SARM1: variants seen among roughly 807,000 people sequenced by gnomAD.
SARM1 encodes the protein NAD(+) hydrolase SARM1.
A neutral mutation model predicts 65.1 loss-of-function variants in SARM1; 60 were observed. The ratio of observed to expected loss-of-function variants is 0.92; its 90% CI spans 0.75 to 1.14. The LOEUF (loss-of-function observed/expected upper bound fraction) is 1.14, where lower values mean the gene tolerates loss of function less well. Among genes scored for constraint, SARM1 ranks in the 50% most tolerant of loss-of-function variants. The probability of loss-of-function intolerance (pLI) is 0.00; values close to 1 mark genes in which losing one functional copy is unlikely to be tolerated. For missense variants in SARM1, 913 were observed against 1,015.7 expected (o/e 0.90, Z 1.37); for synonymous variants, 417 against 465.4 (o/e 0.90, Z 1.34).
In SARM1 at chr17:28,400,674, A is replaced by G. The variant is rs1337596788; in HGVS notation, c.*4388A>G. ...AGGAGGAAGGGGAACCCCTTCATAA[A>G]GTTCAGAGTGGCTGGGTAGAGTGAG... On this transcript the variant is annotated 3_prime_UTR_variant, in exon 9 of 9. Transcript: ENST00000585482. 4.3e-6 allele frequency: 7 copies of G among 1,613,514 alleles called. No individual in the cohort carries two copies. The African/African-American group carries it at 9.3e-5, about 22-fold the overall frequency.
chr17:28,402,934 C>G lies in SARM1; in HGVS notation c.*6648C>G, dbSNP rs577666364. On this transcript the variant is annotated 3_prime_UTR_variant, in exon 9 of 9. Coordinates refer to ENST00000585482, the MANE Select transcript of SARM1 (RefSeq NM_015077.4). ...CTGGATTAGGTTGGGCCCTAAATGC[C>G]GTCACACATATCTTTATAAGAGGAA... 1 of 152,226 alleles carries G rather than the reference C, an allele frequency of 6.6e-6. No individual in the cohort carries two copies. Among genetic ancestry groups the G allele is most frequent in the South Asian group, 2.1e-4 (1 of 4,830 alleles). The allele number at this position is 152,226 out of a possible 1,614,324, so 9.4% of individuals were successfully genotyped here.
chr17:28,396,314 T>G lies in SARM1; in HGVS notation c.*28T>G. On this transcript the variant is annotated 3_prime_UTR_variant, in exon 9 of 9. Transcript: ENST00000585482. ...AGTCCCCAGTTCCCCAGCCCTGCTG[T>G]GACTTCCATTTCCATCGTCCTTTCT... 2 of 1,612,050 alleles carry G rather than the reference T, an allele frequency of 1.2e-6. No individual in the cohort carries two copies. Among genetic ancestry groups the G allele is most frequent in the Non-Finnish European group, 1.7e-6 (2 of 1,178,648 alleles).
intron 7 of SARM1, among the ~76,000 whole-genome samples, chr17:28,389,627 C>T (rs7215936): frequency 0.9 from 137,312 of 152,212 alleles, 62,066 homozygotes; most frequent in Middle Eastern, 0.92. Flanking sequence ...GGTTCACACC[C>T]GTAATCCCAG....
chr17:28,372,273 C>CCCT lies in SARM1; in HGVS notation c.241_242insCCT (p.Gln81delinsProTer). On this transcript the variant is annotated stop_gained and protein_altering_variant, in exon 1 of 9. Transcript: ENST00000585482. LOFTEE classifies it high-confidence loss of function. This position sits in a 1 kb window ranked among gnomAD's most constrained non-coding sequence, Gnocchi z 5.2. ...GCAGCAGGCCTTGTCCGCGCTGAAG[C>CCCT]AGGCGGGCGGCGCGCGGGCCGTGGG... is the stretch of plus-strand genomic sequence containing the variant. The CCCT allele has an allele frequency of 7.2e-7, 1 of 1,391,752 alleles. No homozygotes were observed. The highest frequency in any genetic ancestry group is 9.2e-7 in the Non-Finnish European group (1 of 1,083,460). 86.2% of individuals were successfully genotyped at this position (1,391,752 alleles called of 1,614,324 possible).
chr17:28,390,692 A>T (rs1454864368), intron 7 of SARM1, among the ~76,000 whole-genome samples: 2 of 152,154 alleles, frequency 1.3e-5, no homozygotes, highest in South Asian at 4.1e-4. Context: ...AAAAAAAAAA[A>T]TCAGAGTTTA....
chr17:28,392,850 G>C (rs1053553133), intron 7 of SARM1, among the ~76,000 whole-genome samples: 2 of 152,158 alleles, frequency 1.3e-5, no homozygotes, highest in African/African-American at 2.4e-5. Flanking sequence ...GTCTTGGACC[G>C]GCCCCAGAGG....
Position 28,388,399 on chromosome 17 carries a change from G to A in SARM1, c.1783G>A (p.Val595Met), listed in dbSNP as rs1555586405. The A allele has an allele frequency of 4.3e-6, 7 of 1,613,900 alleles. No individual in the cohort carries two copies. In the East Asian group the frequency reaches 1.6e-4, roughly 36 times the overall value. ...QLHGFSVFID[V>M]EKLEAGKFED... ...GCATGGCTTCAGTGTCTTCATTGATGTGGAGAAGCTGGAAGCAGGCAAGTT... is the reference window on the plus strand; with the variant it reads ...GCATGGCTTCAGTGTCTTCATTGATATGGAGAAGCTGGAAGCAGGCAAGTT... Residue 595 changes from valine (V) to methionine (M), a missense_variant, in exon 7 of 9, where the codon GTG becomes ATG. Val to Met is a conservative substitution (Grantham distance 21). Coordinates refer to ENST00000585482, the MANE Select transcript of SARM1 (RefSeq NM_015077.4).
Position 28,385,016 on chromosome 17 carries a change from C to T in SARM1, c.1395-24C>T, listed in dbSNP as rs370251036. On this transcript the variant is annotated intron_variant, in intron 4 of 8. Transcript: ENST00000585482. The surrounding 1 kb of genome is among the most constrained non-coding windows in gnomAD (Gnocchi z 4.5). ...CAGCCCGTCCGAGTCTGGACCTCAG[C>T]GTCTTCTCCTCCGTGGGGTGCAGGT... 5 of 1,609,904 alleles carry T rather than the reference C, an allele frequency of 3.1e-6. No individual in the cohort carries two copies. The African/African-American group carries it at 6.7e-5, about 21-fold the overall frequency.
At chr17:28,392,985 G>GTAAAAT (rs1383032270) in intron 7 of SARM1, among the ~76,000 whole-genome samples, 4 of 152,168 alleles carry the variant, frequency 2.6e-5, no homozygotes, top group Non-Finnish European at 4.4e-5. Context: ...ACTCAAAAAA[G>GTAAAAT]TAAAATCCCT....
Position 28,384,813 on chromosome 17 carries a change from T to C in SARM1, c.1303-26T>C. ...GTCCAAGGGCGGAGTAGCGAAGCCC[T>C]TCCTGACACCCGACTCCTCCCCCAG... On this transcript the variant is annotated intron_variant, in intron 3 of 8. Transcript: ENST00000585482. The surrounding 1 kb of genome is among the most constrained non-coding windows in gnomAD (Gnocchi z 4.4). 6.5e-7 allele frequency: 1 copy of C among 1,548,950 alleles called. No individual in the cohort carries two copies. The highest frequency in any genetic ancestry group is 8.7e-7 in the Non-Finnish European group (1 of 1,144,448).
At chr17:28,396,098 G>A in intron 8 of SARM1, 59 bp from the exon 9 acceptor site, 1 of 1,613,654 alleles carries the variant, frequency 6.2e-7, no homozygotes, top group Non-Finnish European at 8.5e-7. Flanking sequence ...TGGGCAAACA[G>A]CTGACTAGCA....
chr17:28,394,285 A>AG (rs2068096554), intron 7 of SARM1, among the ~76,000 whole-genome samples: 1 of 152,052 alleles, frequency 6.6e-6, no homozygotes, highest in Non-Finnish European at 1.5e-5. Flanking sequence ...TGGGGGCTTA[A>AG]AGATAATGGG....
At chr17:28,395,664 A>G in intron 7 of SARM1, 1 of 483,466 alleles carries the variant, frequency 2.1e-6, no homozygotes, top group Non-Finnish European at 3.7e-6. Flanking sequence ...GCATACAAAG[A>G]CACTCATCAC....
chr17:28,390,911 G>T (rs1034041311), intron 7 of SARM1, among the ~76,000 whole-genome samples: 4 of 152,184 alleles, frequency 2.6e-5, no homozygotes, highest in Admixed American at 2.6e-4. Flanking sequence ...AAGAAACTGA[G>T]GCTCAGAAAA....
chr17:28,381,690 C>A lies in SARM1; in HGVS notation c.958C>A (p.Gln320Lys). 1 of 1,561,994 alleles carries A rather than the reference C, an allele frequency of 6.4e-7. No individual in the cohort carries two copies. Reference sequence around the variant, plus strand: ...TCTGGTGGACGCCAGCGACACAAGCCAGGGCCGCGGGCCCGACGACCTGCA... The same window carrying A: ...TCTGGTGGACGCCAGCGACACAAGCAAGGGCCGCGGGCCCGACGACCTGCA... ...RCLVDASDTSQGRGPDDLQRL... is the reference protein window; with the variant it reads ...RCLVDASDTSKGRGPDDLQRL... The change falls in exon 2 of 9, where the codon CAG becomes AAG. Residue 320 changes from glutamine to lysine, a missense_variant. Gln to Lys is a moderately conservative substitution (Grantham distance 53). This residue lies in a region of SARM1 where 862 missense variants were observed against 952.1 expected (regional missense o/e 0.91). Transcript: ENST00000585482.
Position 28,385,421 on chromosome 17 carries a change from A to G in SARM1, c.1630+146A>G, listed in dbSNP as rs559816404. 8 of 644,678 alleles carry G rather than the reference A, an allele frequency of 1.2e-5. No individual in the cohort carries two copies. Among genetic ancestry groups the G allele is most frequent in the African/African-American group, 9.2e-5 (5 of 54,382 alleles). The allele number at this position is 644,678 out of a possible 1,614,324, so 39.9% of individuals were successfully genotyped here. On this transcript the variant is annotated intron_variant, in intron 5 of 8. Coordinates refer to ENST00000585482, the MANE Select transcript of SARM1 (RefSeq NM_015077.4). The surrounding 1 kb of genome is among the most constrained non-coding windows in gnomAD (Gnocchi z 4.5). ...GGGTCACACTGGGCTCTGAGGATGT[A>G]AAGATGAATACGTTGCACTTTACCT...
rs1451417529 is a variant in SARM1, at chr17:28,388,525, G to T, written c.1909G>T (p.Asp637Tyr). 1.5e-5 allele frequency: 24 copies of T among 1,613,422 alleles called. No individual in the cohort carries two copies. Among genetic ancestry groups the T allele is most frequent in the Non-Finnish European group, 2.0e-5 (24 of 1,179,864 alleles). Residue 637 changes from aspartate (D) to tyrosine (Y), a missense_variant, in exon 7 of 9, where the codon GAT becomes TAT. By Grantham distance (160) the Asp-to-Tyr change is radical. Transcript: ENST00000585482. ...GTGCATGCAAGACCATGACTGCAAG[G>T]ATTGGGTGCATAAGGTAGGTGCCTG... ...DKCMQDHDCK[D>Y]WVHKEIVTAL...
At chr17:28,388,313 G>A (rs781993643) in intron 6 of SARM1, 37 bp downstream of exon 6, 1 of 1,607,142 alleles carries the variant, frequency 6.2e-7, no homozygotes, top group South Asian at 1.1e-5. Context: ...GGGGCGTGGG[G>A]ACAAGGCTGT....
Position 28,396,405 on chromosome 17 carries a change from C to A in SARM1, c.*119C>A. 1 of 1,197,548 alleles carries A rather than the reference C, an allele frequency of 8.4e-7. No individual in the cohort carries two copies. Among genetic ancestry groups the A allele is most frequent in the Non-Finnish European group, 1.2e-6 (1 of 838,066 alleles). 74.2% of individuals were successfully genotyped at this position (1,197,548 alleles called of 1,614,324 possible). On this transcript the variant is annotated 3_prime_UTR_variant, in exon 9 of 9. Transcript: ENST00000585482. ...AACCTGGGCTCTTCTTAGGAAATGG[C>A]TCTCCCTCCCCCTGTCCCCCACCCT...
Sources: allele counts gnomAD v4.1 joint callset (sites outside exome capture counted in the v4.1 genomes callset), GRCh38; gene constraint gnomAD v4.1.1; regional missense constraint gnomAD v4.1.1; non-coding constraint Gnocchi (gnomAD v3.1); transcripts MANE v1.5; gene names NCBI Gene and HGNC (gene_info 2026-07-23, HGNC 2026-07-21).